Variants in CCDC117 observed in about 807,000 individuals in gnomAD.
The protein encoded by CCDC117 is coiled-coil domain containing 117, also known as coiled-coil domain-containing protein 117.
In CCDC117, 1 loss-of-function variant was observed where a neutral mutation model predicts 23.5. That is an observed-to-expected ratio of 0.04 (90% CI 0.02 to 0.20). The LOEUF (loss-of-function observed/expected upper bound fraction) is 0.20. CCDC117 is among the 10% of genes least tolerant of loss of function. The pLI is 1.00. For missense variants in CCDC117, 383 were observed against 348.2 expected, an observed-to-expected ratio of 1.10 and a Z score of -0.80; for synonymous variants, 132 against 124.8, an observed-to-expected ratio of 1.06 and a Z score of -0.39.
intron 4 of CCDC117, among the ~76,000 whole-genome samples, chr22:28,785,678 C>T (rs990387975): frequency 6.6e-6 from 1 of 152,104 alleles, no homozygotes; most frequent in Non-Finnish European, 1.5e-5. Flanking sequence ...TTAAATACTT[C>T]CAATCACAGC....
At chr22:28,783,738 T>A (rs2031427668) in intron 4 of CCDC117, 93 bp downstream of exon 4, 1 of 1,206,100 alleles carries the variant, frequency 8.3e-7, no homozygotes, top group African/African-American at 1.5e-5. Flanking sequence ...TTAGCTCTTT[T>A]TATCTCCTGA....
In CCDC117 at chr22:28,786,108, C is replaced by T. The variant is rs1413865237; in HGVS notation, c.622C>T (p.Leu208Phe). 6.2e-7 allele frequency: 1 copy of T among 1,612,326 alleles called. No individual in the cohort carries two copies. Among genetic ancestry groups the T allele is most frequent in the Admixed American group, 1.7e-5 (1 of 59,532 alleles). ...TCTTAGGAGCCGTCCTTCCATGGAG[C>T]TTGTTCTCTGGAAACCCCTCCCTGA... ...IESMSRPSME[L>F]VLWKPLPELL... The change falls in exon 5 of 5, where the codon CTT becomes TTT. Residue 208 changes from leucine (L) to phenylalanine (F), a missense_variant. By Grantham distance (22) the Leu-to-Phe change is conservative. Coordinates refer to ENST00000249064, the MANE Select transcript of CCDC117 (RefSeq NM_173510.4).
chr22:28,786,354 A>G lies in CCDC117; in HGVS notation c.*28A>G. ...ACCAATTTCTACACTAAAGTTGTCA[A>G]ATGTTAGAAGAATCCTGTGTTCAGT... On this transcript the variant is annotated 3_prime_UTR_variant, in exon 5 of 5. Coordinates refer to ENST00000249064, the MANE Select transcript of CCDC117 (RefSeq NM_173510.4). 1 of 1,512,518 alleles carries G rather than the reference A, an allele frequency of 6.6e-7. No individual in the cohort carries two copies. 93.7% of individuals were successfully genotyped at this position (1,512,518 alleles called of 1,614,324 possible). A position where few individuals can be genotyped will look rare whatever the true frequency, so the allele number is the denominator to read the frequency against.
chr22:28,783,990 T>C (rs1025987050), intron 4 of CCDC117, among the ~76,000 whole-genome samples: 1 of 152,158 alleles, frequency 6.6e-6, no homozygotes, highest in Non-Finnish European at 1.5e-5. Context: ...CCTGGCTTTC[T>C]AAGTGACCCA....
At chr22:28,773,641 A>G (rs1601418198) in intron 1 of CCDC117, 84 bp from the exon 2 acceptor site, 1 of 1,134,212 alleles carries the variant, frequency 8.8e-7, no homozygotes, top group Non-Finnish European at 1.3e-6. Flanking sequence ...GGGATGAGCA[A>G]GATTATTGGA....
chr22:28,776,274 G>C (rs1161204155), intron 2 of CCDC117, among the ~76,000 whole-genome samples: 1 of 152,088 alleles, frequency 6.6e-6, no homozygotes, highest in Non-Finnish European at 1.5e-5. Flanking sequence ...TGGTGTGGTG[G>C]TGCGCCCCTG....
intron 3 of CCDC117, among the ~76,000 whole-genome samples, chr22:28,782,902 C>G (rs2031393787): frequency 6.6e-6 from 1 of 151,982 alleles, no homozygotes; most frequent in Non-Finnish European, 1.5e-5. Context: ...GTGAATTCTT[C>G]TCATAGAACT....
In CCDC117 at chr22:28,781,061, G is replaced by C. The variant is rs773327473; in HGVS notation, c.353G>C (p.Ser118Thr). 1.2e-6 allele frequency: 2 copies of C among 1,613,992 alleles called. No individual in the cohort carries two copies. The highest frequency in any genetic ancestry group is 1.1e-5 in the South Asian group (1 of 91,080). Residue 118 changes from serine to threonine, a missense_variant, in exon 3 of 5, where the codon AGT becomes ACT. Ser to Thr is a moderately conservative substitution (Grantham distance 58). Coordinates refer to ENST00000249064, the MANE Select transcript of CCDC117 (RefSeq NM_173510.4). ...VEGHGVNPSV[S>T]GLSIPGILDV... Reference sequence around the variant, plus strand: ...GGGCATGGAGTAAATCCCAGTGTTAGTGGCCTTTCCATACCTGGGATATTA... The same window carrying C: ...GGGCATGGAGTAAATCCCAGTGTTACTGGCCTTTCCATACCTGGGATATTA...
At chr22:28,776,665 A>C (rs1049069014) in intron 2 of CCDC117, among the ~76,000 whole-genome samples, 2 of 149,906 alleles carry the variant, frequency 1.3e-5, no homozygotes, top group African/African-American at 4.9e-5. Flanking sequence ...GCTCAGCACA[A>C]CCTCTCCCTC....
rs190030863 is a variant in CCDC117, at chr22:28,772,776, C to G, written c.-74C>G. On this transcript the variant is annotated 5_prime_UTR_variant, in exon 1 of 5. Coordinates refer to ENST00000249064, the MANE Select transcript of CCDC117 (RefSeq NM_173510.4). ...CGAGGCTGGCGGGTTTTGGCAGTAGCTGTGGCTGCGGCTGCCGGGCCTGGG... is the reference window on the plus strand; with the variant it reads ...CGAGGCTGGCGGGTTTTGGCAGTAGGTGTGGCTGCGGCTGCCGGGCCTGGG... The G allele has an allele frequency of 7.7e-6, 9 of 1,164,396 alleles. No individual in the cohort carries two copies. The highest frequency in any genetic ancestry group is 8.8e-5 in the Admixed American group (2 of 22,734). 72.1% of individuals were successfully genotyped at this position (1,164,396 alleles called of 1,614,324 possible).
At chr22:28,774,452 C>T (rs1399924084) in intron 2 of CCDC117, among the ~76,000 whole-genome samples, 1 of 150,692 alleles carries the variant, frequency 6.6e-6, no homozygotes, top group Non-Finnish European at 1.5e-5. Flanking sequence ...CTCACTGCAG[C>T]CTCAAACTCC....
chr22:28,785,938 A>T, intron 4 of CCDC117, 151 bp from the exon 5 acceptor site: 1 of 610,652 alleles, frequency 1.6e-6, no homozygotes, highest in South Asian at 2.2e-5. Flanking sequence ...AAAAAAAAAA[A>T]AAAGAAAGTA....
At position 28,788,725 on chromosome 22, in the gene CCDC117, A is replaced by G. The variant is rs2031588095; in HGVS notation, c.*2399A>G. The stretch of plus-strand genomic sequence containing the variant: ...GCTTATTCATCTGAGCCGTCTCCAC[A>G]GTCCCAATGCCTCTGCTTTTTGTTT... On this transcript the variant is annotated 3_prime_UTR_variant, in exon 5 of 5. Coordinates refer to ENST00000249064, the MANE Select transcript of CCDC117 (RefSeq NM_173510.4). 6.6e-6 allele frequency: 1 copy of G among 152,626 alleles called. No individual in the cohort carries two copies. The highest frequency in any genetic ancestry group is 2.1e-4 in the South Asian group (1 of 4,822). The allele number at this position is 152,626 out of a possible 1,614,324, so 9.5% of individuals were successfully genotyped here. A position where few individuals can be genotyped will look rare whatever the true frequency, so the allele number is the denominator to read the frequency against.
At chr22:28,779,328 T>C (rs1206253785) in intron 2 of CCDC117, among the ~76,000 whole-genome samples, 22 of 151,862 alleles carry the variant, frequency 1.4e-4, no homozygotes, top group Non-Finnish European at 5.9e-5. Flanking sequence ...TTGGCCTTCC[T>C]AGTAGCTGGG....
Position 28,783,493 on chromosome 22 carries a change from C to T in CCDC117, c.465-15C>T, listed in dbSNP as rs772214168. ...TAAATATTTTTTCTTTCTTCTGCTG[C>T]CTTAATTGATTTAGGATAATTGATG... is the stretch of plus-strand genomic sequence containing the variant. On this transcript the variant is annotated splice_polypyrimidine_tract_variant and intron_variant, in intron 3 of 4. Coordinates refer to ENST00000249064, the MANE Select transcript of CCDC117 (RefSeq NM_173510.4). 1.2e-6 allele frequency: 2 copies of T among 1,605,126 alleles called. No individual in the cohort carries two copies. The highest frequency in any genetic ancestry group is 1.7e-6 in the Non-Finnish European group (2 of 1,177,192).
At chr22:28,774,725 T>C (rs563470939) in intron 2 of CCDC117, among the ~76,000 whole-genome samples, 3 of 152,224 alleles carry the variant, frequency 2.0e-5, no homozygotes, top group African/African-American at 7.2e-5. Context: ...CTTACCTGTT[T>C]TCATTGTCTC....
At position 28,787,883 on chromosome 22, in the gene CCDC117, T is replaced by C. The variant is rs1047693081; in HGVS notation, c.*1557T>C. 1 of 152,504 alleles carries C rather than the reference T, an allele frequency of 6.6e-6. No homozygotes were observed. The highest frequency in any genetic ancestry group is 2.4e-5 in the African/African-American group (1 of 41,424). The allele number at this position is 152,504 out of a possible 1,614,324, so 9.4% of individuals were successfully genotyped here. ...ATCAGATACCTTTTGTAGAAAAAAA[T>C]GGCTTATGCCACGTAAAGGTGAATT... On this transcript the variant is annotated 3_prime_UTR_variant, in exon 5 of 5. Coordinates refer to ENST00000249064, the MANE Select transcript of CCDC117 (RefSeq NM_173510.4).
At chr22:28,782,740 T>C (rs2031388716) in intron 3 of CCDC117, among the ~76,000 whole-genome samples, 1 of 152,038 alleles carries the variant, frequency 6.6e-6, no homozygotes, top group Non-Finnish European at 1.5e-5. Flanking sequence ...CCCGGCCTTT[T>C]TTTGTATATT....
Position 28,781,088 on chromosome 22 carries a change from A to T in CCDC117, c.380A>T (p.Asp127Val). 6.2e-7 allele frequency: 1 copy of T among 1,614,004 alleles called. No homozygotes were observed. Residue 127 changes from aspartate to valine, a missense_variant, in exon 3 of 5, where the codon GAT becomes GTT. Physicochemically the swap from Asp to Val is radical, Grantham distance 152. Coordinates refer to ENST00000249064, the MANE Select transcript of CCDC117 (RefSeq NM_173510.4). The part of the protein sequence containing the change: ...VSGLSIPGIL[D>V]VICEEMDQTT... The stretch of plus-strand genomic sequence containing the variant: ...GGCCTTTCCATACCTGGGATATTAG[A>T]TGTTATTTGTGAAGAAATGGATCAG...
Sources: allele counts gnomAD v4.1 joint callset (sites outside exome capture counted in the v4.1 genomes callset), GRCh38; gene constraint gnomAD v4.1.1; transcripts MANE v1.5; gene names NCBI Gene and HGNC (gene_info 2026-07-23, HGNC 2026-07-21).